Variants in NBEA observed in about 807,000 individuals in gnomAD.
NBEA encodes neurobeachin, also known as lysosomal-trafficking regulator 2.
NBEA carries 44 observed loss-of-function variants against 343.4 expected under a neutral mutation model. The observed-to-expected ratio is 0.13, with a 90% CI of 0.10 to 0.16. NBEA has a LOEUF of 0.16. NBEA is among the 10% of genes least tolerant of loss of function. NBEA has a pLI of 1.00. For synonymous variants in NBEA, 1,175 were observed against 1,238.7 expected, an observed-to-expected ratio of 0.95 and a Z score of 1.08; for missense variants, 2,555 against 3,631.3, an observed-to-expected ratio of 0.70 and a Z score of 7.62.
At chr13:35,561,091 C>T (rs1230570343) in intron 44 of NBEA, among the ~76,000 whole-genome samples, 1 of 152,056 alleles carries the variant, frequency 6.6e-6, no homozygotes. Context: ...AAAGACATAC[C>T]TAAAAATAAT....
chr13:35,413,856 CA>C lies in NBEA; in HGVS notation c.6180-18407del, dbSNP rs201113118. On this transcript the variant is annotated intron_variant, in intron 38 of 58. Coordinates refer to ENST00000379939, the MANE Select transcript of NBEA (RefSeq NM_001385012.1). ...ATTAATGGCACAAAGATATAAAGAA[CA>C]AAAAATAAACAAATGAAAAGAAAGC... 5.2e-3 allele frequency among the ~76,000 whole-genome samples: 789 copies of C among 152,074 alleles called. 10 individuals are homozygous for C. Among genetic ancestry groups the C allele is most frequent in the African/African-American group, 0.017 (719 of 41,502 alleles).
chr13:34,986,611 ATCTG>A (rs1566125028), intron 1 of NBEA, among the ~76,000 whole-genome samples: 4 of 150,938 alleles, frequency 2.7e-5, no homozygotes, highest in African/African-American at 9.6e-5. Flanking sequence ...GGTCTCATTG[ATCTG>A]TCTAATATTG....
chr13:34,987,400 G>A (rs913128666), intron 1 of NBEA, among the ~76,000 whole-genome samples: 3 of 150,842 alleles, frequency 2.0e-5, no homozygotes, highest in South Asian at 4.2e-4. Flanking sequence ...TGGGTAACCC[G>A]ACCTTTCTCT....
intron 1 of NBEA, among the ~76,000 whole-genome samples, chr13:34,946,715 T>G (rs1566078445): frequency 6.6e-6 from 1 of 151,324 alleles, no homozygotes; most frequent in Non-Finnish European, 1.5e-5. Context: ...TTTTTTTTTT[T>G]ACATTCTAAG....
intron 38 of NBEA, among the ~76,000 whole-genome samples, chr13:35,393,569 T>C (rs568367355): frequency 6.6e-6 from 1 of 152,272 alleles, no homozygotes; most frequent in Admixed American, 6.5e-5. Context: ...TATTTAAATT[T>C]AGAGTCCTTT....
rs556815782 is a variant in NBEA at position 35,167,053 on chromosome 13, T to A, written c.4234-1934T>A. Among the ~76,000 whole-genome samples, 10 of 152,068 alleles carry A rather than the reference T, an allele frequency of 6.6e-5. No individual in the cohort carries two copies. In the East Asian group the frequency reaches 1.7e-3, roughly 26 times the overall value. On this transcript the variant is annotated intron_variant, in intron 24 of 58. Coordinates refer to ENST00000379939, the MANE Select transcript of NBEA (RefSeq NM_001385012.1). Reference sequence around the variant, plus strand: ...GGTAATTTTGTTTATATATATATAGTTTTTCAGAATATTCTTGTGTGCATT... The same window carrying A: ...GGTAATTTTGTTTATATATATATAGATTTTCAGAATATTCTTGTGTGCATT...
intron 24 of NBEA, chr13:35,164,969 G>C (rs2069873788): frequency 2.4e-6 from 1 of 413,922 alleles, no homozygotes; most frequent in South Asian, 1.9e-5. Flanking sequence ...AATAAAATAG[G>C]TCAATGTTAA....
intron 1 of NBEA, among the ~76,000 whole-genome samples, chr13:35,010,741 A>AAAAAAT (rs1555275017): frequency 1.6e-4 from 5 of 31,966 alleles, no homozygotes; most frequent in African/African-American, 5.0e-4. Flanking sequence ...AAAAAAAAAA[A>AAAAAAT]ATATATATAT....
chr13:35,321,857 C>G (rs974932278), intron 36 of NBEA, among the ~76,000 whole-genome samples: 1 of 152,158 alleles, frequency 6.6e-6, no homozygotes, highest in Admixed American at 6.5e-5. Flanking sequence ...GCGGAGGGCT[C>G]CGCCCAGTTG....
intron 35 of NBEA, among the ~76,000 whole-genome samples, chr13:35,301,684 C>T (rs183328250): frequency 2.2e-4 from 34 of 152,170 alleles, no homozygotes. Context: ...AATGATTTAT[C>T]ATCCTTTGGG....
intron 41 of NBEA, among the ~76,000 whole-genome samples, chr13:35,484,774 A>AT (rs1433382836): frequency 3.3e-5 from 5 of 152,154 alleles, no homozygotes; most frequent in African/African-American, 1.2e-4. Context: ...ATTTGCATAG[A>AT]TTTTACATTA....
At chr13:35,655,103 T>C in intron 54 of NBEA, 93 bp downstream of exon 54, 1 of 1,048,112 alleles carries the variant, frequency 9.5e-7, no homozygotes, top group Non-Finnish European at 1.3e-6. Flanking sequence ...TAGGCATTTT[T>C]ATCATTTGCC....
chr13:34,955,642 A>C (rs2059466791), intron 1 of NBEA, among the ~76,000 whole-genome samples: 1 of 152,148 alleles, frequency 6.6e-6, no homozygotes, highest in Non-Finnish European at 1.5e-5. Context: ...TTTTTGCCTT[A>C]ATGCTAACTA....
At chr13:35,162,533 C>T (rs1197208401) in intron 23 of NBEA, among the ~76,000 whole-genome samples, 1 of 152,096 alleles carries the variant, frequency 6.6e-6, no homozygotes, top group Non-Finnish European at 1.5e-5. Flanking sequence ...GATGACTCTT[C>T]TTCCTTCCTC....
chr13:35,549,546 G>A (rs7329542), intron 41 of NBEA, among the ~76,000 whole-genome samples: 135,159 of 152,074 alleles, frequency 0.89, 60,994 homozygotes, highest in East Asian at 1. Flanking sequence ...AAGTCCAGAT[G>A]TGGATGCTTG....
At chr13:35,526,995 G>C (rs936101942) in intron 41 of NBEA, among the ~76,000 whole-genome samples, 10 of 151,952 alleles carry the variant, frequency 6.6e-5, no homozygotes, top group African/African-American at 2.2e-4. Flanking sequence ...CCTAGGTCTG[G>C]GCTCCCTGAA....
At chr13:35,371,570 A>C (rs993414612) in intron 38 of NBEA, among the ~76,000 whole-genome samples, 3 of 151,850 alleles carry the variant, frequency 2.0e-5, no homozygotes, top group African/African-American at 7.3e-5. Flanking sequence ...GAGTTTCTTG[A>C]ATATCATTTT....
intron 55 of NBEA, among the ~76,000 whole-genome samples, chr13:35,663,870 T>A (rs2085222066): frequency 6.6e-6 from 1 of 152,162 alleles, no homozygotes; most frequent in Non-Finnish European, 1.5e-5. Context: ...GTCCCCCTTC[T>A]CCCACACTCC....
At chr13:35,289,144 A>C (rs920852763) in intron 34 of NBEA, among the ~76,000 whole-genome samples, 1 of 151,846 alleles carries the variant, frequency 6.6e-6, no homozygotes, top group African/African-American at 2.4e-5. Context: ...GGCATTTGAG[A>C]CTGTTTATTG....
Sources: allele counts gnomAD v4.1 joint callset (sites outside exome capture counted in the v4.1 genomes callset), GRCh38; gene constraint gnomAD v4.1.1; transcripts MANE v1.5; gene names NCBI Gene and HGNC (gene_info 2026-07-23, HGNC 2026-07-21).